Variants in GNB5 observed in about 807,000 individuals in gnomAD.
GNB5 encodes guanine nucleotide-binding protein subunit beta-5.
A neutral mutation model predicts 55.3 loss-of-function variants in GNB5; 37 were observed. The observed-to-expected ratio is 0.67, with a 90% CI of 0.51 to 0.88. The LOEUF (loss-of-function observed/expected upper bound fraction) is 0.88, where lower values mean the gene tolerates loss of function less well. Among genes scored for constraint, GNB5 ranks in the 40% least tolerant of loss-of-function variants. The pLI, the probability that GNB5 is intolerant of heterozygous loss-of-function variation, is 0.00. For synonymous variants in GNB5, 219 were observed against 198.5 expected (o/e 1.10, Z -0.87); for missense variants, 476 against 515.3 (o/e 0.92, Z 0.74).
chr15:52,147,342 A>C (rs2033998109), intron 6 of GNB5, 117 bp downstream of exon 6: 1 of 735,884 alleles, frequency 1.4e-6, no homozygotes, highest in African/African-American at 1.7e-5. Flanking sequence ...AGGATTTAGC[A>C]TACTGCTAAA....
chr15:52,143,549 A>G (rs1490313277), intron 6 of GNB5, among the ~76,000 whole-genome samples: 3 of 152,212 alleles, frequency 2.0e-5, no homozygotes, highest in Non-Finnish European at 4.4e-5. Flanking sequence ...ATACTTGTAT[A>G]TATAACCAAT....
At chr15:52,165,204 G>A (rs1364892950) in intron 3 of GNB5, among the ~76,000 whole-genome samples, 1 of 152,124 alleles carries the variant, frequency 6.6e-6, no homozygotes, top group Non-Finnish European at 1.5e-5. Flanking sequence ...CAGTAAATAT[G>A]GGATTATGTA....
intron 3 of GNB5, among the ~76,000 whole-genome samples, chr15:52,158,262 T>C (rs1053710505): frequency 5.9e-5 from 9 of 152,152 alleles, no homozygotes; most frequent in African/African-American, 9.7e-5. Flanking sequence ...TCATGTACTT[T>C]CTCGCCACCT....
rs1392687547 is a variant in GNB5, at chr15:52,122,422, A to C, written c.*335T>G. 1.1e-5 allele frequency: 3 copies of C among 262,874 alleles called. No homozygotes were observed. The highest frequency in any genetic ancestry group is 6.6e-5 in the African/African-American group (3 of 45,152). 16.3% of individuals were successfully genotyped at this position (262,874 alleles called of 1,614,324 possible). ...AAATGAATTGATTCAAAGAAATAAT[A>C]TGGAATATATTAACTGCTGAATTCT... On this transcript the variant is annotated 3_prime_UTR_variant, in exon 13 of 13. Coordinates refer to ENST00000261837, the MANE Select transcript of GNB5 (RefSeq NM_016194.4).
In GNB5 at chr15:52,179,834, T is replaced by C. The variant is rs1171641363; in HGVS notation, c.172A>G (p.Lys58Glu). ...LHENETLASL[K>E]SEAESLKGKL... is the part of the protein sequence containing the mutation. ...CCCTTGAGGCTCTCGGCCTCGCTCT[T>C]CAGCGACGCCAGCGTCTCGTTCTCG... Residue 58 changes from lysine (K) to glutamate (E), a missense_variant, in exon 3 of 13, where the codon AAG (lysine) becomes GAG (glutamate). Transcript: ENST00000261837. 1 of 1,555,214 alleles carries C rather than the reference T, an allele frequency of 6.4e-7. No homozygotes were observed. Among genetic ancestry groups the C allele is most frequent in the Non-Finnish European group, 8.7e-7 (1 of 1,152,006 alleles).
intron 3 of GNB5, among the ~76,000 whole-genome samples, chr15:52,163,583 G>A (rs1186927663): frequency 6.6e-6 from 1 of 152,202 alleles, no homozygotes; most frequent in African/African-American, 2.4e-5. Context: ...CAAACTGGGA[G>A]GAATTCCCCA....
intron 12 of GNB5, 38 bp from the exon 13 acceptor site, chr15:52,122,806 A>C (rs1239029154): frequency 3.2e-6 from 5 of 1,556,022 alleles, no homozygotes; most frequent in Non-Finnish European, 4.4e-6. Flanking sequence ...AGACCTTTGT[A>C]GTTAACAACT....
intron 8 of GNB5, 49 bp from the exon 9 acceptor site, chr15:52,133,518 T>A: frequency 8.4e-7 from 1 of 1,185,814 alleles, no homozygotes; most frequent in Non-Finnish European, 1.3e-6. Context: ...GGAATGTCTA[T>A]AGACAAGGCA....
At position 52,125,963 on chromosome 15, in the gene GNB5, C is replaced by G. The variant is rs1368696122; in HGVS notation, c.994G>C (p.Asp332His). 1 of 1,494,398 alleles carries G rather than the reference C, an allele frequency of 6.7e-7. No homozygotes were observed. Among genetic ancestry groups the G allele is most frequent in the Non-Finnish European group, 9.3e-7 (1 of 1,077,392 alleles). 92.6% of individuals were successfully genotyped at this position (1,494,398 alleles called of 1,614,324 possible). The change falls in exon 11 of 13, where the codon GAC (aspartate) becomes CAC (histidine). Residue 332 changes from aspartate (D) to histidine (H), a missense_variant. Physicochemically the swap from Asp to His is moderately conservative, Grantham distance 81. Coordinates refer to ENST00000261837, the MANE Select transcript of GNB5 (RefSeq NM_016194.4). ...AAAATCTTACCACTGAGGGAGAAGT[C>G]CACGCTGGATGCTCCAAATATGATG... ...ESIIFGASSV[D>H]FSLSGRLLFA...
chr15:52,179,014 T>A (rs1449755261), intron 3 of GNB5, among the ~76,000 whole-genome samples: 1 of 152,212 alleles, frequency 6.6e-6, no homozygotes, highest in Admixed American at 6.5e-5. Context: ...AGGAACGCTG[T>A]TTTGGCCAAG....
At chr15:52,139,049 A>G (rs1256548960) in intron 7 of GNB5, 1 of 152,134 alleles carries the variant, frequency 6.6e-6, no homozygotes, top group East Asian at 1.9e-4. Context: ...TCTTTTATCA[A>G]CCTAGATCCC....
chr15:52,149,555 T>G, intron 5 of GNB5: 1 of 568,022 alleles, frequency 1.8e-6, no homozygotes, highest in Non-Finnish European at 3.1e-6. Context: ...AGAATTTTGG[T>G]GCCTCTTATC....
intron 6 of GNB5, 52 bp from the exon 7 acceptor site, chr15:52,141,324 G>A (rs1385813109): frequency 6.6e-7 from 1 of 1,522,278 alleles, no homozygotes; most frequent in Non-Finnish European, 9.1e-7. Context: ...CACAGAATAT[G>A]TGTCTACTTT....
intron 12 of GNB5, among the ~76,000 whole-genome samples, chr15:52,123,174 TTTTA>T (rs1412444981): frequency 3.3e-5 from 5 of 152,172 alleles, no homozygotes; most frequent in South Asian, 2.1e-4. Context: ...CAGATAACTT[TTTTA>T]TTTGTTTCAG....
chr15:52,118,104 C>G lies in GNB5; in HGVS notation c.*4653G>C, dbSNP rs79499375. 1 of 152,366 alleles carries G rather than the reference C, an allele frequency of 6.6e-6. No homozygotes were observed. Among genetic ancestry groups the G allele is most frequent in the Non-Finnish European group, 1.5e-5 (1 of 68,210 alleles). The allele number at this position is 152,366 out of a possible 1,614,324, so 9.4% of individuals were successfully genotyped here. On this transcript the variant is annotated 3_prime_UTR_variant, in exon 13 of 13. Coordinates refer to ENST00000261837, the MANE Select transcript of GNB5 (RefSeq NM_016194.4). Reference sequence around the variant, plus strand: ...ACTGCCTCTCTGGGACTTCCTCCACCGACCGGGGCTGTCCCAAAGCCTCCT... The same window carrying G: ...ACTGCCTCTCTGGGACTTCCTCCACGGACCGGGGCTGTCCCAAAGCCTCCT...
At chr15:52,146,852 G>T (rs1318777938) in intron 6 of GNB5, among the ~76,000 whole-genome samples, 4 of 151,318 alleles carry the variant, frequency 2.6e-5, no homozygotes, top group Non-Finnish European at 1.5e-5. Context: ...CAAAGTACTG[G>T]GATTACAGGC....
chr15:52,153,889 A>C, intron 4 of GNB5, 51 bp downstream of exon 4: 1 of 1,538,804 alleles, frequency 6.5e-7, no homozygotes, highest in East Asian at 2.3e-5. Context: ...CCTCCCCCTT[A>C]GCTATAAAAT....
intron 3 of GNB5, among the ~76,000 whole-genome samples, chr15:52,163,846 C>G (rs2034393762): frequency 6.6e-6 from 1 of 152,182 alleles, no homozygotes; most frequent in Non-Finnish European, 1.5e-5. Context: ...CAGGTTGGTG[C>G]CCCTCTGGGA....
At chr15:52,145,206 AAT>A (rs957486640) in intron 6 of GNB5, among the ~76,000 whole-genome samples, 53 of 151,880 alleles carry the variant, frequency 3.5e-4, no homozygotes, top group African/African-American at 1.3e-3. Context: ...ATGTAGTACA[AAT>A]ATATATATAT....
Sources: gnomAD v4.1 joint callset for allele counts (sites outside exome capture counted in the v4.1 genomes callset) on GRCh38, gnomAD v4.1.1 for gene constraint, MANE v1.5 for transcripts, NCBI Gene and HGNC (gene_info 2026-07-23, HGNC 2026-07-21) for gene names.